ITGB3BP: variants seen among roughly 807,000 people sequenced by gnomAD.
ITGB3BP encodes integrin subunit beta 3 binding protein.
A neutral mutation model predicts 29.1 loss-of-function variants in ITGB3BP; 27 were observed. The ratio of observed to expected loss-of-function variants is 0.93; its 90% CI spans 0.68 to 1.28. The LOEUF (loss-of-function observed/expected upper bound fraction) is 1.28, where lower values mean the gene tolerates loss of function less well. Ranked by LOEUF, ITGB3BP falls within the 50% of genes most tolerant of loss-of-function variation. ITGB3BP has a pLI of 0.00. For missense variants in ITGB3BP, 192 were observed against 200.2 expected (o/e 0.96, Z 0.25); for synonymous variants, 61 against 61.4 (o/e 0.99, Z 0.03).
At chr1:63,460,339 C>T (rs1557614285) in intron 4 of ITGB3BP, among the ~76,000 whole-genome samples, 1 of 152,184 alleles carries the variant, frequency 6.6e-6, no homozygotes, top group Non-Finnish European at 1.5e-5. Flanking sequence ...CCTTTAATCT[C>T]CTTTCTATCT....
At chr1:63,457,517 A>G (rs1389904434) in intron 4 of ITGB3BP, 1 of 152,082 alleles carries the variant, frequency 6.6e-6, no homozygotes, top group African/African-American at 2.4e-5. Context: ...TTCCTTTACT[A>G]ATTTGTTTAT....
intron 4 of ITGB3BP, among the ~76,000 whole-genome samples, chr1:63,475,893 G>A (rs909793801): frequency 4.6e-5 from 7 of 151,380 alleles, no homozygotes; most frequent in African/African-American, 1.7e-4. Context: ...AGCTACTAGG[G>A]AGGCTGAGGC....
intron 1 of ITGB3BP, among the ~76,000 whole-genome samples, chr1:63,513,658 T>C (rs1646249771): frequency 6.6e-6 from 1 of 152,142 alleles, no homozygotes; most frequent in Non-Finnish European, 1.5e-5. Flanking sequence ...TCTACCTCTA[T>C]CTTTAATATG....
chr1:63,446,930 T>C lies in ITGB3BP; in HGVS notation c.485-74A>G, dbSNP rs567626614. On this transcript the variant is annotated intron_variant, in intron 7 of 8. Transcript: ENST00000271002. ...ACTTGCCACAGTATATGATGCAGAA[T>C]AAATGTTGAAGCAAAATGAAATTAA... 2.8e-6 allele frequency: 3 copies of C among 1,076,550 alleles called. No individual in the cohort carries two copies. The Admixed American group carries it at 6.2e-5, about 22-fold the overall frequency. 66.7% of individuals were successfully genotyped at this position (1,076,550 alleles called of 1,614,324 possible). A position where few individuals can be genotyped will look rare whatever the true frequency, so the allele number is the denominator to read the frequency against.
chr1:63,500,356 C>A (rs1369396405), intron 2 of ITGB3BP, among the ~76,000 whole-genome samples: 1 of 151,168 alleles, frequency 6.6e-6, no homozygotes, highest in African/African-American at 2.4e-5. Flanking sequence ...CCAGCCTGGG[C>A]AAAAGAGCAA....
intron 1 of ITGB3BP, chr1:63,509,990 C>G: frequency 2.3e-6 from 1 of 432,508 alleles, no homozygotes; most frequent in Non-Finnish European, 4.2e-6. Context: ...GTCAGGAGTT[C>G]GAGACCAGCC....
At chr1:63,472,434 C>T (rs1448998016) in intron 4 of ITGB3BP, among the ~76,000 whole-genome samples, 1 of 117,436 alleles carries the variant, frequency 8.5e-6, no homozygotes, top group Non-Finnish European at 1.7e-5. Context: ...CTGATCCACC[C>T]TCTCCCTCTC....
chr1:63,455,958 ATT>A (rs1419391900), intron 4 of ITGB3BP, among the ~76,000 whole-genome samples: 2 of 152,140 alleles, frequency 1.3e-5, no homozygotes, highest in Non-Finnish European at 2.9e-5. Flanking sequence ...TTATTGAGAT[ATT>A]TTATACTTTT....
At chr1:63,492,180 G>GT in intron 2 of ITGB3BP, among the ~76,000 whole-genome samples, 1 of 129,706 alleles carries the variant, frequency 7.7e-6, no homozygotes, top group Middle Eastern at 3.7e-3. Flanking sequence ...CTGTGAGTGT[G>GT]CATGTGCTCT....
chr1:63,495,268 T>C (rs1645759309), intron 2 of ITGB3BP, among the ~76,000 whole-genome samples: 1 of 152,210 alleles, frequency 6.6e-6, no homozygotes, highest in African/African-American at 2.4e-5. Context: ...CCCCAATGAA[T>C]TGACCCAGTA....
At chr1:63,484,514 A>G (rs1378681377) in intron 3 of ITGB3BP, among the ~76,000 whole-genome samples, 3 of 152,116 alleles carry the variant, frequency 2.0e-5, no homozygotes, top group African/African-American at 4.8e-5. Context: ...TGAATTATTT[A>G]GAAGTTTCTT....
intron 4 of ITGB3BP, among the ~76,000 whole-genome samples, chr1:63,466,902 C>T (rs1281886211): frequency 1.3e-5 from 2 of 152,158 alleles, no homozygotes; most frequent in African/African-American, 2.4e-5. Flanking sequence ...GTGAGAGCCA[C>T]CAAGAGTGTG....
chr1:63,507,321 A>T (rs2100768085), intron 2 of ITGB3BP, among the ~76,000 whole-genome samples: 1 of 152,324 alleles, frequency 6.6e-6, no homozygotes, highest in East Asian at 1.9e-4. Context: ...CTAATACAGG[A>T]TGTCAGCTGT....
chr1:63,497,488 A>G (rs1015750019), intron 2 of ITGB3BP, among the ~76,000 whole-genome samples: 2 of 152,186 alleles, frequency 1.3e-5, no homozygotes, highest in African/African-American at 4.8e-5. Context: ...CCGTAAAAGC[A>G]CTATAAACTT....
intron 4 of ITGB3BP, among the ~76,000 whole-genome samples, chr1:63,472,897 C>G (rs1011805922): frequency 1.5e-4 from 23 of 152,116 alleles, no homozygotes; most frequent in Admixed American, 3.9e-4. Flanking sequence ...CAGCCGCCAC[C>G]CCGTCTGGGA....
intron 8 of ITGB3BP, chr1:63,442,507 T>TG (rs1207873778): frequency 6.6e-6 from 1 of 152,142 alleles, no homozygotes; most frequent in Non-Finnish European, 1.5e-5. Context: ...CACACGGACT[T>TG]GGGGGTCTAT....
chr1:63,529,120 T>A (rs1646648605), intron 2 of ITGB3BP: 1 of 152,164 alleles, frequency 6.6e-6, no homozygotes, highest in Admixed American at 6.5e-5. Context: ...CTAGGCAAAA[T>A]ACTTACTTAC....
intron 1 of ITGB3BP, chr1:63,510,101 A>C: frequency 1.6e-6 from 1 of 633,886 alleles, no homozygotes; most frequent in Non-Finnish European, 2.9e-6. Context: ...GAGGCAGGAG[A>C]ATCGCTTGAA....
chr1:63,460,523 C>G (rs931502768), intron 4 of ITGB3BP, among the ~76,000 whole-genome samples: 1 of 152,150 alleles, frequency 6.6e-6, no homozygotes, highest in African/African-American at 2.4e-5. Context: ...CATGTACATA[C>G]CACACTTTAT....
Sources: gnomAD v4.1 joint callset for allele counts (sites outside exome capture counted in the v4.1 genomes callset) on GRCh38, gnomAD v4.1.1 for gene constraint, MANE v1.5 for transcripts, NCBI Gene and HGNC (gene_info 2026-07-23, HGNC 2026-07-21) for gene names.